Variants in CIRSR observed in about 807,000 individuals in gnomAD.
CIRSR encodes the protein corepressor of RBPJ and splicing regulator, also known as CBF1 (RBPJ) interacting corepressor 1.
chr2:174,369,988 A>G, the CIRSR span: 7 of 1,365,222 alleles, frequency 5.1e-6, no homozygotes, highest in Non-Finnish European at 6.9e-6. Context: ...CAGGCTTACC[A>G]GAAACCTTCA....
At chr2:174,368,147 A>T in the CIRSR span, among the ~76,000 whole-genome samples, 1 of 152,176 alleles carries the variant, frequency 6.6e-6, no homozygotes, top group Non-Finnish European at 1.5e-5. Context: ...ACACCCCTCT[A>T]TCAGTAACTG....
At chr2:174,349,135 CTTTTTTCTTTT>C in the CIRSR span, 1 of 1,489,350 alleles carries the variant, frequency 6.7e-7, no homozygotes, top group Non-Finnish European at 8.9e-7. Flanking sequence ...TTTTTTCTAT[CTTTTTTCTTTT>C]TTTTCTTCTC....
chr2:174,359,873 T>C, the CIRSR span, among the ~76,000 whole-genome samples: 28 of 152,314 alleles, frequency 1.8e-4, no homozygotes, highest in South Asian at 5.6e-3. Flanking sequence ...TGGAATACTA[T>C]GCAGCCATAA....
the CIRSR span, chr2:174,348,799 T>C: frequency 6.5e-4 from 1,054 of 1,614,210 alleles, 2 homozygotes; most frequent in Non-Finnish European, 7.9e-4. Context: ...TCAGAATGGC[T>C]CCATTTGCTG....
At chr2:174,368,463 A>T in the CIRSR span, among the ~76,000 whole-genome samples, 3 of 152,236 alleles carry the variant, frequency 2.0e-5, no homozygotes, top group Non-Finnish European at 2.9e-5. Flanking sequence ...AAACACACTT[A>T]TAAATAAACA....
At chr2:174,357,035 T>C in the CIRSR span, among the ~76,000 whole-genome samples, 1 of 152,254 alleles carries the variant, frequency 6.6e-6, no homozygotes, top group Non-Finnish European at 1.5e-5. Flanking sequence ...TCTCAAACTG[T>C]CTCAAAAGTA....
the CIRSR span, among the ~76,000 whole-genome samples, chr2:174,384,715 C>T: frequency 4.1e-3 from 621 of 151,690 alleles, 6 homozygotes; most frequent in African/African-American, 0.014. Flanking sequence ...TTGTGCCCAG[C>T]CCAATTCATT....
chr2:174,375,157 A>G, the CIRSR span, among the ~76,000 whole-genome samples: 1 of 152,342 alleles, frequency 6.6e-6, no homozygotes, highest in African/African-American at 2.4e-5. Context: ...TCACTACTAT[A>G]AATCTTTGAA....
At chr2:174,368,431 C>T in the CIRSR span, among the ~76,000 whole-genome samples, 1 of 152,130 alleles carries the variant, frequency 6.6e-6, no homozygotes, top group Non-Finnish European at 1.5e-5. Context: ...GCTGGAAAAT[C>T]CCCAAATACT....
chr2:174,354,443 ATAT>A, the CIRSR span, among the ~76,000 whole-genome samples: 16 of 15,616 alleles, frequency 1.0e-3, no homozygotes, highest in East Asian at 6.5e-3. Context: ...TATATATAAT[ATAT>A]TATATAATAT....
At chr2:174,390,366 T>C in the CIRSR span, among the ~76,000 whole-genome samples, 12 of 152,252 alleles carry the variant, frequency 7.9e-5, no homozygotes, top group Non-Finnish European at 1.6e-4. Flanking sequence ...ATGGGGCCTG[T>C]AGCCCCTTTG....
chr2:174,382,503 G>A, the CIRSR span, among the ~76,000 whole-genome samples: 1 of 152,132 alleles, frequency 6.6e-6, no homozygotes, highest in Non-Finnish European at 1.5e-5. Flanking sequence ...GCCAGGCGTA[G>A]TGCTGCGTGC....
the CIRSR span, among the ~76,000 whole-genome samples, chr2:174,368,496 A>C: frequency 1.3e-5 from 2 of 152,216 alleles, no homozygotes; most frequent in Admixed American, 6.5e-5. Flanking sequence ...AAGTAGTCTC[A>C]AGAGAAAGTT....
At chr2:174,369,087 T>C in the CIRSR span, among the ~76,000 whole-genome samples, 1,032 of 152,370 alleles carry the variant, frequency 6.8e-3, 12 homozygotes, top group Middle Eastern at 0.054. Flanking sequence ...GGCATCTTTT[T>C]CCAATAGAAG....
the CIRSR span, among the ~76,000 whole-genome samples, chr2:174,371,659 C>G: frequency 6.6e-6 from 1 of 152,224 alleles, no homozygotes; most frequent in Non-Finnish European, 1.5e-5. Flanking sequence ...AGAAGTAAAT[C>G]TTATGCTGGT....
chr2:174,363,797 AGACTT>A, the CIRSR span, among the ~76,000 whole-genome samples: 1 of 152,186 alleles, frequency 6.6e-6, no homozygotes, highest in East Asian at 1.9e-4. Context: ...AGCATGGGAA[AGACTT>A]GATCCCATGA....
the CIRSR span, among the ~76,000 whole-genome samples, chr2:174,390,575 G>A: frequency 1.3e-5 from 2 of 152,204 alleles, no homozygotes; most frequent in Non-Finnish European, 2.9e-5. Context: ...TTAAGGGCAG[G>A]ATTGTGTTTT....
chr2:174,357,186 T>C, the CIRSR span, among the ~76,000 whole-genome samples: 1 of 152,346 alleles, frequency 6.6e-6, no homozygotes, highest in East Asian at 1.9e-4. Flanking sequence ...AATTGGGTAA[T>C]TTGTCCTGTA....
the CIRSR span, among the ~76,000 whole-genome samples, chr2:174,367,571 T>A: frequency 2.0e-5 from 3 of 151,214 alleles, no homozygotes; most frequent in Non-Finnish European, 3.0e-5. Context: ...AGACCGAGAC[T>A]CTGTCCCCCA....
Sources: allele counts gnomAD v4.1 joint callset (sites outside exome capture counted in the v4.1 genomes callset), GRCh38; gene constraint gnomAD v4.1.1; transcripts MANE v1.5; gene names NCBI Gene and HGNC (gene_info 2026-07-23, HGNC 2026-07-21).